ATP2C1: variants seen among roughly 807,000 people sequenced by gnomAD.
ATP2C1 encodes calcium-transporting ATPase type 2C member 1.
In ATP2C1, 31 loss-of-function variants were observed where a neutral mutation model predicts 120.5. That is an observed-to-expected ratio of 0.26 (90% CI 0.19 to 0.35). The LOEUF is 0.35. Ranked by LOEUF, ATP2C1 falls within the 10% of genes least tolerant of loss-of-function variation. ATP2C1 has a pLI of 1.00. For synonymous variants in ATP2C1, 351 were observed against 358.7 expected (o/e 0.98, Z 0.24); for missense variants, 731 against 1,107.5 (o/e 0.66, Z 4.83).
chr3:131,003,885 CAT>C (rs1361608514), downstream of ATP2C1, among the ~76,000 whole-genome samples: 1 of 152,142 alleles, frequency 6.6e-6, no homozygotes, highest in African/African-American at 2.4e-5. Context: ...AAACAATAAA[CAT>C]AATATTTAGG....
chr3:130,859,357 G>C (rs138165892), intron 1 of ATP2C1, among the ~76,000 whole-genome samples: 1 of 152,292 alleles, frequency 6.6e-6, no homozygotes, highest in African/African-American at 2.4e-5. Context: ...CAAGTGAAGA[G>C]CTATGTACCT....
At chr3:130,895,304 T>A (rs1179074799) in intron 2 of ATP2C1, among the ~76,000 whole-genome samples, 1 of 152,126 alleles carries the variant, frequency 6.6e-6, no homozygotes, top group Non-Finnish European at 1.5e-5. Flanking sequence ...ATGAGATGAG[T>A]GCTTTTCTTA....
chr3:130,927,463 G>A (rs566317906), intron 2 of ATP2C1, among the ~76,000 whole-genome samples: 3 of 151,954 alleles, frequency 2.0e-5, no homozygotes, highest in African/African-American at 7.3e-5. Context: ...GGATGGTCTC[G>A]ATCTCCTGAC....
At chr3:130,909,743 T>C (rs2058302148) in intron 2 of ATP2C1, among the ~76,000 whole-genome samples, 1 of 152,184 alleles carries the variant, frequency 6.6e-6, no homozygotes, top group Non-Finnish European at 1.5e-5. Context: ...TACAGCTCTT[T>C]AAATGATGTA....
intron 12 of ATP2C1, among the ~76,000 whole-genome samples, chr3:130,960,705 G>A (rs1214052625): frequency 1.3e-5 from 2 of 152,134 alleles, no homozygotes; most frequent in African/African-American, 2.4e-5. Context: ...TAGAATAAGT[G>A]GAGCCGTGGT....
chr3:130,888,901 G>C (rs2069070714), intron 1 of ATP2C1, among the ~76,000 whole-genome samples: 1 of 152,186 alleles, frequency 6.6e-6, no homozygotes, highest in Admixed American at 6.5e-5. Context: ...GGTTATCAAT[G>C]GTACAGGCTT....
intron 8 of ATP2C1, among the ~76,000 whole-genome samples, chr3:130,950,400 C>A (rs1454544746): frequency 6.6e-6 from 1 of 152,020 alleles, no homozygotes; most frequent in Non-Finnish European, 1.5e-5. Context: ...TTCACTTTAT[C>A]CTACCTTTCC....
chr3:130,940,309 G>T (rs1429077652), intron 6 of ATP2C1, among the ~76,000 whole-genome samples: 1 of 152,082 alleles, frequency 6.6e-6, no homozygotes, highest in African/African-American at 2.4e-5. Context: ...AAATTTTAAG[G>T]CTCAATGACT....
intron 1 of ATP2C1, among the ~76,000 whole-genome samples, chr3:130,867,848 G>C (rs1481435325): frequency 2.8e-5 from 4 of 145,250 alleles, no homozygotes; most frequent in Non-Finnish European, 6.1e-5. Context: ...GAAGCGAGGA[G>C]CGCCTCTTCC....
rs117908601 is a variant in ATP2C1 at position 130,905,462 on chromosome 3, A to G, written c.6+10687A>G. Among the ~76,000 whole-genome samples the G allele has an allele frequency of 4.2e-3, 632 of 152,166 alleles. 8 individuals are homozygous for G. Among genetic ancestry groups the G allele is most frequent in the Admixed American group, 0.017 (252 of 15,268 alleles). On this transcript the variant is annotated intron_variant, in intron 2 of 27. Transcript: ENST00000510168. Reference sequence around the variant, plus strand: ...ACTTACTTGTTTCATCCGAGTACACACAAACAAAAGTAGTTTTAGAATTAG... The same window carrying G: ...ACTTACTTGTTTCATCCGAGTACACGCAAACAAAAGTAGTTTTAGAATTAG...
chr3:130,936,578 T>C (rs1355436972), intron 5 of ATP2C1, among the ~76,000 whole-genome samples: 1 of 151,906 alleles, frequency 6.6e-6, no homozygotes, highest in African/African-American at 2.4e-5. Flanking sequence ...TTTGGGAGGC[T>C]GAGGCGGGTG....
At chr3:130,924,399 A>G (rs567559546) in intron 2 of ATP2C1, among the ~76,000 whole-genome samples, 93 of 152,142 alleles carry the variant, frequency 6.1e-4, no homozygotes, top group African/African-American at 2.0e-3. Context: ...TAAATATAGG[A>G]CCCCAGTCCC....
Position 130,894,691 on chromosome 3 carries a change from C to G in ATP2C1, c.-79C>G. The G allele has an allele frequency of 6.2e-7, 1 of 1,613,922 alleles. No homozygotes were observed. The highest frequency in any genetic ancestry group is 8.5e-7 in the Non-Finnish European group (1 of 1,179,884). ...GGCTTCTCTTCCTTGTCCTCCTCCT[C>G]TCCTCTCTATTCCCAGTGTGGCCGT... is the stretch of plus-strand genomic sequence containing the variant. On this transcript the variant is annotated 5_prime_UTR_variant, in exon 2 of 28. Coordinates refer to ENST00000510168, the MANE Select transcript of ATP2C1 (RefSeq NM_001378687.1). The surrounding 1 kb of genome is among the most constrained non-coding windows in gnomAD (Gnocchi z 4.5).
chr3:131,014,506 A>G (rs2109059046), intron 26 of ATP2C1: 1 of 937,022 alleles, frequency 1.1e-6, no homozygotes, highest in East Asian at 2.7e-5. Flanking sequence ...TTGCTCTATA[A>G]TATTATCGAA....
intron 1 of ATP2C1, among the ~76,000 whole-genome samples, chr3:130,875,780 T>G (rs2068581068): frequency 6.6e-6 from 1 of 152,214 alleles, no homozygotes; most frequent in Non-Finnish European, 1.5e-5. Context: ...TCACTGGCAT[T>G]TGTTAGTTTT....
chr3:130,865,035 C>T lies in ATP2C1; in HGVS notation c.108+14107C>T, dbSNP rs13074643. 3.3e-3 allele frequency among the ~76,000 whole-genome samples: 506 copies of T among 152,244 alleles called. 1 individual carries two copies. Among genetic ancestry groups the T allele is most frequent in the Non-Finnish European group, 3.3e-3 (225 of 68,012 alleles). ...TTGCACCGTGCTCCTAGAAAAGCCG[C>T]AGACACTCAACGTCAGCCCATGAAA... On this transcript the variant is annotated intron_variant, in intron 1 of 26. Transcript: ENST00000504381.
chr3:131,015,903 T>C, intron 26 of ATP2C1: 1 of 620,856 alleles, frequency 1.6e-6, no homozygotes, highest in Non-Finnish European at 2.9e-6. Context: ...TTAAAGGAAC[T>C]GATTTTTTAA....
downstream of ATP2C1, among the ~76,000 whole-genome samples, chr3:131,004,851 G>A (rs759962212): frequency 2.6e-5 from 4 of 152,184 alleles, no homozygotes; most frequent in Admixed American, 6.5e-5. Context: ...GAGGTACAGT[G>A]TGAAGGGTTG....
intron 1 of ATP2C1, among the ~76,000 whole-genome samples, chr3:130,853,238 C>A (rs1170484316): frequency 2.6e-5 from 4 of 152,144 alleles, no homozygotes; most frequent in African/African-American, 9.7e-5. Flanking sequence ...TGTAAAACCT[C>A]CAAGCCTGAA....
Sources: gnomAD v4.1 joint callset for allele counts (sites outside exome capture counted in the v4.1 genomes callset) on GRCh38, gnomAD v4.1.1 for gene constraint, Gnocchi (gnomAD v3.1) non-coding constraint, MANE v1.5 for transcripts, NCBI Gene and HGNC (gene_info 2026-07-23, HGNC 2026-07-21) for gene names.